Variants in GRM5 observed in about 807,000 individuals in gnomAD.
The protein encoded by GRM5 is metabotropic glutamate receptor 5.
In GRM5, 19 loss-of-function variants were observed where a neutral mutation model predicts 83.1. That is an observed-to-expected ratio of 0.23 (90% CI 0.16 to 0.34). The LOEUF is 0.34. GRM5 is among the 10% of genes least tolerant of loss of function. The probability of loss-of-function intolerance (pLI) is 1.00; values close to 1 mark genes in which losing one functional copy is unlikely to be tolerated. For missense variants in GRM5, 1,160 were observed against 1,588.3 expected, an observed-to-expected ratio of 0.73 and a Z score of 4.58; for synonymous variants, 675 against 633.6, an observed-to-expected ratio of 1.07 and a Z score of -0.98.
chr11:88,634,638 T>C (rs570575512), intron 4 of GRM5, among the ~76,000 whole-genome samples: 11 of 152,304 alleles, frequency 7.2e-5, no homozygotes, highest in African/African-American at 2.6e-4. Flanking sequence ...AACAATACTT[T>C]CTGGAACACC....
chr11:89,021,600 A>T (rs746109072), intron 2 of GRM5, among the ~76,000 whole-genome samples: 2 of 152,194 alleles, frequency 1.3e-5, no homozygotes, highest in Non-Finnish European at 2.9e-5. Context: ...CTGCAGCTCA[A>T]ATTCCCGTGA....
At chr11:88,985,872 GC>G (rs1939689282) in intron 2 of GRM5, among the ~76,000 whole-genome samples, 1 of 152,004 alleles carries the variant, frequency 6.6e-6, no homozygotes, top group Admixed American at 6.6e-5. Flanking sequence ...TGTCTAAAAT[GC>G]AAAATTACAA....
chr11:88,928,817 A>T (rs548158519), intron 2 of GRM5, among the ~76,000 whole-genome samples: 1 of 151,736 alleles, frequency 6.6e-6, no homozygotes, highest in South Asian at 2.1e-4. Flanking sequence ...TAAAATGTAC[A>T]CTGTTTGTTA....
intron 4 of GRM5, among the ~76,000 whole-genome samples, chr11:88,622,861 A>G (rs1938677957): frequency 6.6e-6 from 1 of 152,132 alleles, no homozygotes; most frequent in Non-Finnish European, 1.5e-5. Context: ...GTTTGAAACT[A>G]TTTTGCCACT....
intron 4 of GRM5, among the ~76,000 whole-genome samples, chr11:88,624,297 C>T (rs1938725336): frequency 6.6e-6 from 1 of 152,144 alleles, no homozygotes; most frequent in African/African-American, 2.4e-5. Flanking sequence ...GAATACCTTC[C>T]CATTATCTGT....
rs374449064 is a variant in GRM5, at chr11:88,767,411, C to T, written c.911+82495G>A. On this transcript the variant is annotated intron_variant, in intron 3 of 9. Coordinates refer to ENST00000305447, the MANE Select transcript of GRM5 (RefSeq NM_001143831.3). ...GCAGCACTATTCACAATAGCAAAGACGTGAAATCAACCTCAATGCCCACCA... is the reference window on the plus strand; with the variant it reads ...GCAGCACTATTCACAATAGCAAAGATGTGAAATCAACCTCAATGCCCACCA... Among the ~76,000 whole-genome samples the T allele has an allele frequency of 4.7e-4, 72 of 152,050 alleles. 1 individual carries two copies. The South Asian group carries it at 5.2e-3, about 11-fold the overall frequency.
intron 3 of GRM5, among the ~76,000 whole-genome samples, chr11:88,721,174 C>A (rs749048570): frequency 6.6e-6 from 1 of 151,986 alleles, no homozygotes; most frequent in Non-Finnish European, 1.5e-5. Flanking sequence ...TTTAGCACCA[C>A]GATGGTGATA....
At chr11:88,776,887 C>T (rs1942865020) in intron 3 of GRM5, among the ~76,000 whole-genome samples, 1 of 152,148 alleles carries the variant, frequency 6.6e-6, no homozygotes. Context: ...TCCTTCATTT[C>T]AACCTTGGCA....
At chr11:88,625,426 A>G (rs1242493826) in intron 4 of GRM5, among the ~76,000 whole-genome samples, 1 of 152,116 alleles carries the variant, frequency 6.6e-6, no homozygotes, top group Non-Finnish European at 1.5e-5. Flanking sequence ...TTATTATACA[A>G]AGAGTAATTT....
chr11:88,567,136 A>G lies in GRM5; in HGVS notation c.2547T>C (p.Asp849=), dbSNP rs200403601. 5.0e-6 allele frequency: 8 copies of G among 1,614,060 alleles called. No homozygotes were observed. Among genetic ancestry groups the G allele is most frequent in the Non-Finnish European group, 5.9e-6 (7 of 1,179,978 alleles). The change falls in exon 8 of 10, where the codon GAT becomes GAC. Residue 849 remains aspartate, a synonymous_variant. Coordinates refer to ENST00000305447, the MANE Select transcript of GRM5 (RefSeq NM_001143831.3). The surrounding 1 kb of genome is among the most constrained non-coding windows in gnomAD (Gnocchi z 7.3). ...TGCTGGCTGCGGAGGATGACTTGCC[A>G]TCCCCTACATGCATGCGCACCACGG... ...TSTVVRMHVG[D]GKSSSAASRS...
intron 7 of GRM5, among the ~76,000 whole-genome samples, chr11:88,574,356 T>G (rs1943061833): frequency 6.6e-6 from 1 of 152,176 alleles, no homozygotes; most frequent in Non-Finnish European, 1.5e-5. Context: ...GGCAGAAGTC[T>G]AAAATCAATT....
At chr11:88,597,511 T>C (rs192229357) in intron 5 of GRM5, among the ~76,000 whole-genome samples, 159 bp from the exon 6 acceptor site, 1 of 152,238 alleles carries the variant, frequency 6.6e-6, no homozygotes, top group Admixed American at 6.5e-5. Flanking sequence ...AATCTGTCTA[T>C]TTTACTTTCT....
At chr11:89,041,689 G>T (rs1020297450) in intron 2 of GRM5, among the ~76,000 whole-genome samples, 7 of 152,092 alleles carry the variant, frequency 4.6e-5, no homozygotes, top group African/African-American at 1.7e-4. Flanking sequence ...TTTTTTCACT[G>T]CTAGCAATGA....
At chr11:88,919,594 A>T (rs1945654911) in intron 2 of GRM5, among the ~76,000 whole-genome samples, 1 of 151,814 alleles carries the variant, frequency 6.6e-6, no homozygotes, top group Non-Finnish European at 1.5e-5. Context: ...ACTGCAGAAT[A>T]TACATTCTTT....
In GRM5 at chr11:88,979,869, T is replaced by A. The variant is rs576781527; in HGVS notation, c.661+67343A>T. The stretch of plus-strand genomic sequence containing the variant: ...GAGACAGACATTAACATTTTTTTTT[T>A]AAACACTGTTGCTGTTGAGTCACGG... On this transcript the variant is annotated intron_variant, in intron 2 of 9. Coordinates refer to ENST00000305447, the MANE Select transcript of GRM5 (RefSeq NM_001143831.3). 1.3e-4 allele frequency among the ~76,000 whole-genome samples: 20 copies of A among 152,244 alleles called. No homozygotes were observed. The South Asian group carries it at 2.7e-3, about 21-fold the overall frequency.
chr11:88,618,294 G>A (rs967349148), intron 4 of GRM5, among the ~76,000 whole-genome samples: 1 of 152,140 alleles, frequency 6.6e-6, no homozygotes, highest in African/African-American at 2.4e-5. Flanking sequence ...TATGGCAACT[G>A]TATACAATTA....
chr11:88,719,240 C>A (rs770815907), intron 3 of GRM5, among the ~76,000 whole-genome samples: 2 of 151,878 alleles, frequency 1.3e-5, no homozygotes, highest in Non-Finnish European at 2.9e-5. Flanking sequence ...TCTGAAACAC[C>A]CAGTGTATGT....
At chr11:88,606,358 A>C (rs1230194199) in intron 4 of GRM5, among the ~76,000 whole-genome samples, 1 of 152,170 alleles carries the variant, frequency 6.6e-6, no homozygotes, top group Non-Finnish European at 1.5e-5. Context: ...CCCTGTCTCT[A>C]CTAAAAACGC....
chr11:88,892,928 T>C (rs991616221), intron 2 of GRM5, among the ~76,000 whole-genome samples: 8 of 151,994 alleles, frequency 5.3e-5, no homozygotes, highest in South Asian at 2.1e-4. Flanking sequence ...AGAAACTTCA[T>C]AGACTCCCCA....
Sources: allele counts gnomAD v4.1 joint callset (sites outside exome capture counted in the v4.1 genomes callset), GRCh38; gene constraint gnomAD v4.1.1; non-coding constraint Gnocchi (gnomAD v3.1); transcripts MANE v1.5; gene names NCBI Gene and HGNC (gene_info 2026-07-23, HGNC 2026-07-21).